COL23A1: variants seen among roughly 807,000 people sequenced by gnomAD.
COL23A1 encodes collagen type XXIII alpha 1 chain, also known as collagen alpha-1(XXIII) chain.
In COL23A1, 97 loss-of-function variants were observed where a neutral mutation model predicts 99.3. That is an observed-to-expected ratio of 0.98 (90% CI 0.83 to 1.16). The LOEUF (loss-of-function observed/expected upper bound fraction) is 1.16, where lower values mean the gene tolerates loss of function less well. COL23A1 is among the 50% of genes most tolerant of loss of function. The probability of loss-of-function intolerance (pLI) is 0.00; values close to 1 mark genes in which losing one functional copy is unlikely to be tolerated. For missense variants in COL23A1, 762 were observed against 757.4 expected, an observed-to-expected ratio of 1.01 and a Z score of -0.07; for synonymous variants, 320 against 308.2, an observed-to-expected ratio of 1.04 and a Z score of -0.40.
intron 2 of COL23A1, among the ~76,000 whole-genome samples, chr5:178,383,976 T>A (rs1313293909): frequency 6.6e-6 from 1 of 151,676 alleles, no homozygotes; most frequent in Non-Finnish European, 1.5e-5. Context: ...AAACCTGTTA[T>A]CCATCCTGTT....
chr5:178,567,064 C>G (rs1006200871), intron 1 of COL23A1, among the ~76,000 whole-genome samples: 1 of 151,776 alleles, frequency 6.6e-6, no homozygotes, highest in South Asian at 2.1e-4. Context: ...TACAGTGAAC[C>G]CTGTGGTGCT....
At chr5:178,422,361 G>A (rs1378453117) in intron 2 of COL23A1, among the ~76,000 whole-genome samples, 1 of 152,198 alleles carries the variant, frequency 6.6e-6, no homozygotes, top group Non-Finnish European at 1.5e-5. Context: ...TGGCTCTTCT[G>A]CTTAACGTTA....
At chr5:178,522,365 A>G (rs1379155571) in intron 2 of COL23A1, among the ~76,000 whole-genome samples, 1 of 152,190 alleles carries the variant, frequency 6.6e-6, no homozygotes, top group East Asian at 1.9e-4. Flanking sequence ...ATACATATTT[A>G]GCCCACGTGA....
chr5:178,510,127 A>C (rs1399209804), intron 2 of COL23A1, among the ~76,000 whole-genome samples: 1 of 152,266 alleles, frequency 6.6e-6, no homozygotes, highest in African/African-American at 2.4e-5. Context: ...AGGATAAGTG[A>C]ATCTATTATT....
chr5:178,502,637 T>C lies in COL23A1; in HGVS notation c.361+58045A>G, dbSNP rs149251288. Reference sequence around the variant, plus strand: ...TCCACATCAAGTGCTGGAGAGGATGTGGAGCAACAGGAAGTCTTGTTCACT... The same window carrying C: ...TCCACATCAAGTGCTGGAGAGGATGCGGAGCAACAGGAAGTCTTGTTCACT... On this transcript the variant is annotated intron_variant, in intron 2 of 28. Coordinates refer to ENST00000390654, the MANE Select transcript of COL23A1 (RefSeq NM_173465.4). Among the ~76,000 whole-genome samples, 606 of 152,280 alleles carry C rather than the reference T, an allele frequency of 4.0e-3. 9 individuals are homozygous for C. The highest frequency in any genetic ancestry group is 0.014 in the African/African-American group (566 of 41,544).
At chr5:178,489,161 G>A (rs1757794826) in intron 2 of COL23A1, among the ~76,000 whole-genome samples, 1 of 152,240 alleles carries the variant, frequency 6.6e-6, no homozygotes, top group Non-Finnish European at 1.5e-5. Context: ...TGCCCTCAAT[G>A]TGGGTGGGCA....
intron 1 of COL23A1, among the ~76,000 whole-genome samples, chr5:178,572,075 A>C (rs1763137734): frequency 6.6e-6 from 1 of 151,302 alleles, no homozygotes. Flanking sequence ...CTCAAAACAA[A>C]AAAAAAAAAG....
In COL23A1 at chr5:178,573,395, C is replaced by T. The variant is rs185244644; in HGVS notation, c.295-12647G>A. Among the ~76,000 whole-genome samples the T allele has an allele frequency of 4.6e-5, 7 of 152,196 alleles. No individual in the cohort carries two copies. In the South Asian group the frequency reaches 6.2e-4, roughly 13 times the overall value. On this transcript the variant is annotated intron_variant, in intron 1 of 28. Coordinates refer to ENST00000390654, the MANE Select transcript of COL23A1 (RefSeq NM_173465.4). ...AGGCCAATTGTGAGAGCGTCTGGCC[C>T]GGCCACCGCACTTGGCAGGAGCCAC...
At chr5:178,483,532 A>G (rs1436190122) in intron 2 of COL23A1, among the ~76,000 whole-genome samples, 1 of 152,218 alleles carries the variant, frequency 6.6e-6, no homozygotes, top group Admixed American at 6.5e-5. Flanking sequence ...GGCACATGTG[A>G]AAAAATTATG....
intron 2 of COL23A1, among the ~76,000 whole-genome samples, chr5:178,465,746 G>A (rs1273119488): frequency 1.3e-5 from 2 of 152,234 alleles, no homozygotes; most frequent in Non-Finnish European, 2.9e-5. Flanking sequence ...GAGATGGGGA[G>A]GCAGAGTGAT....
At chr5:178,537,222 G>A (rs991074201) in intron 2 of COL23A1, among the ~76,000 whole-genome samples, 5 of 152,174 alleles carry the variant, frequency 3.3e-5, no homozygotes, top group Admixed American at 1.3e-4. Flanking sequence ...TCTCTTAGGG[G>A]GGTCTGGGGC....
At chr5:178,565,394 C>G (rs562437397) in intron 1 of COL23A1, among the ~76,000 whole-genome samples, 4 of 152,312 alleles carry the variant, frequency 2.6e-5, no homozygotes, top group African/African-American at 9.6e-5. Context: ...AGAGGAAGGG[C>G]TTGTCGAGAA....
At chr5:178,498,722 T>G (rs1758366468) in intron 2 of COL23A1, among the ~76,000 whole-genome samples, 1 of 152,286 alleles carries the variant, frequency 6.6e-6, no homozygotes, top group South Asian at 2.1e-4. Context: ...GATTGACAAT[T>G]GGATGATTAA....
chr5:178,339,943 T>C (rs1760559547), intron 2 of COL23A1, among the ~76,000 whole-genome samples: 1 of 152,086 alleles, frequency 6.6e-6, no homozygotes, highest in Admixed American at 6.5e-5. Context: ...AGAATAAAAA[T>C]CCCACCTAAA....
At chr5:178,495,072 CTG>C (rs1296277741) in intron 2 of COL23A1, among the ~76,000 whole-genome samples, 1 of 152,252 alleles carries the variant, frequency 6.6e-6, no homozygotes, top group African/African-American at 2.4e-5. Context: ...CAGCCTCCTC[CTG>C]GGCCTGCAGG....
At chr5:178,550,676 T>A (rs1761950895) in intron 2 of COL23A1, among the ~76,000 whole-genome samples, 1 of 152,160 alleles carries the variant, frequency 6.6e-6, no homozygotes, top group African/African-American at 2.4e-5. Flanking sequence ...AGAAGCCAGA[T>A]AGTATTACTG....
chr5:178,583,060 T>C (rs536462231), intron 1 of COL23A1, among the ~76,000 whole-genome samples: 4 of 152,344 alleles, frequency 2.6e-5, no homozygotes, highest in Admixed American at 1.3e-4. Flanking sequence ...TGTAAAACAA[T>C]GTCAGTAACC....
rs115607429 is a variant in COL23A1, at chr5:178,257,075, T to C, written c.775-147A>G. 8.3e-3 allele frequency: 5,894 copies of C among 706,908 alleles called. 273 individuals carry two copies. In the African/African-American group the frequency reaches 0.093, roughly 11 times the overall value. The allele number at this position is 706,908 out of a possible 1,614,324, so 43.8% of individuals were successfully genotyped here. A position where few individuals can be genotyped will look rare whatever the true frequency, so the allele number is the denominator to read the frequency against. On this transcript the variant is annotated intron_variant, in intron 13 of 28. Transcript: ENST00000390654. Reference sequence around the variant, plus strand: ...TGAGTCCATGGGGGGTGTGGGCGGATGGACCTCAGGCCTCTCCCTAGCCCA... The same window carrying C: ...TGAGTCCATGGGGGGTGTGGGCGGACGGACCTCAGGCCTCTCCCTAGCCCA...
At chr5:178,523,101 G>T (rs1049529867) in intron 2 of COL23A1, among the ~76,000 whole-genome samples, 1 of 147,844 alleles carries the variant, frequency 6.8e-6, no homozygotes, top group Non-Finnish European at 1.5e-5. Flanking sequence ...AGGAGTTCAA[G>T]ACCAGCCTGA....
Sources: gnomAD v4.1 joint callset for allele counts (sites outside exome capture counted in the v4.1 genomes callset) on GRCh38, gnomAD v4.1.1 for gene constraint, MANE v1.5 for transcripts, NCBI Gene and HGNC (gene_info 2026-07-23, HGNC 2026-07-21) for gene names.